RABGEF1: variants seen among roughly 807,000 people sequenced by gnomAD.
RABGEF1 encodes RAB guanine nucleotide exchange factor 1.
Under a neutral mutation model 57.3 loss-of-function variants are expected in RABGEF1, and 26 were observed. The ratio of observed to expected loss-of-function variants is 0.45; its 90% CI spans 0.33 to 0.63. RABGEF1 has a LOEUF of 0.63. Ranked by LOEUF, RABGEF1 falls within the 20% of genes least tolerant of loss-of-function variation. The pLI, the probability that RABGEF1 is intolerant of heterozygous loss-of-function variation, is 0.02. For missense variants in RABGEF1, 464 were observed against 607.6 expected (o/e 0.76, Z 2.48); for synonymous variants, 185 against 210.7 (o/e 0.88, Z 1.06).
intron 1 of RABGEF1, among the ~76,000 whole-genome samples, chr7:66,762,801 C>G (rs62466852): frequency 6.6e-6 from 1 of 151,874 alleles, no homozygotes; most frequent in Non-Finnish European, 1.5e-5. Flanking sequence ...GTTGGGTAGG[C>G]TGGGGTAGGT....
At chr7:66,676,871 A>AT in the RABGEF1 span, among the ~76,000 whole-genome samples, 7 of 152,226 alleles carry the variant, frequency 4.6e-5, no homozygotes, top group African/African-American at 1.7e-4. Context: ...GGCATAAGCC[A>AT]TCACACCTGG....
At chr7:66,793,133 G>A (rs1046873165) in intron 4 of RABGEF1, among the ~76,000 whole-genome samples, 4 of 152,196 alleles carry the variant, frequency 2.6e-5, no homozygotes, top group African/African-American at 9.7e-5. Context: ...AGCTCAGAGA[G>A]TTTCTAGTTG....
At chr7:66,796,844 G>C (rs1378860292) in intron 5 of RABGEF1, 3 of 411,992 alleles carry the variant, frequency 7.3e-6, no homozygotes, top group Non-Finnish European at 1.4e-5. Context: ...ACCTGCCTCA[G>C]CCTCCCAAAG....
At chr7:66,738,817 A>C (rs569323755), upstream of RABGEF1, among the ~76,000 whole-genome samples, 4 of 152,266 alleles carry the variant, frequency 2.6e-5, no homozygotes, top group Admixed American at 2.6e-4. Flanking sequence ...TAATCACAAA[A>C]GTCAGTTAAG....
chr7:66,775,972 A>T (rs946176349), intron 3 of RABGEF1, among the ~76,000 whole-genome samples: 7 of 152,312 alleles, frequency 4.6e-5, no homozygotes, highest in African/African-American at 1.4e-4. Context: ...CTGCTTTTTA[A>T]AATGCCATAT....
chr7:66,748,162 G>A (rs1333952899), intron 1 of RABGEF1, among the ~76,000 whole-genome samples: 2 of 152,178 alleles, frequency 1.3e-5, no homozygotes, highest in Non-Finnish European at 2.9e-5. Context: ...GCTGGGTGTC[G>A]AGTTTTACTT....
In RABGEF1 at chr7:66,771,833, AT is replaced by A. The variant is rs537814903; in HGVS notation, c.-17-47del. 2.1e-4 allele frequency: 271 copies of A among 1,295,216 alleles called. 3 individuals carry two copies. The South Asian group carries it at 5.2e-3, about 25-fold the overall frequency. 80.2% of individuals were successfully genotyped at this position (1,295,216 alleles called of 1,614,324 possible). A position where few individuals can be genotyped will look rare whatever the true frequency, so the allele number is the denominator to read the frequency against. ...TTTTGTTCATAATTGGTAAGATTTT[AT>A]TTAGTAGAATGATAATTCATTTTCA... On this transcript the variant is annotated intron_variant, in intron 1 of 8. Transcript: ENST00000284957.
chr7:66,730,329 C>T (rs1475292427), intron 2 of RABGEF1, among the ~76,000 whole-genome samples: 5 of 152,030 alleles, frequency 3.3e-5, no homozygotes, highest in Non-Finnish European at 5.9e-5. Context: ...CCTCATCTAT[C>T]GACAGGGGAT....
At chr7:66,726,159 G>T (rs1796567070) in intron 2 of RABGEF1, among the ~76,000 whole-genome samples, 1 of 152,198 alleles carries the variant, frequency 6.6e-6, no homozygotes, top group Non-Finnish European at 1.5e-5. Flanking sequence ...CCCAGCCTGG[G>T]CTTTGCCCAC....
At chr7:66,654,952 C>A in the RABGEF1 span, among the ~76,000 whole-genome samples, 1 of 152,254 alleles carries the variant, frequency 6.6e-6, no homozygotes, top group Non-Finnish European at 1.5e-5. Context: ...CCTCCCTCTT[C>A]GGCGGCTCCC....
chr7:66,747,288 C>T (rs1287552426), intron 1 of RABGEF1, among the ~76,000 whole-genome samples: 1 of 152,178 alleles, frequency 6.6e-6, no homozygotes, highest in Non-Finnish European at 1.5e-5. Context: ...CCCCCAGTAA[C>T]AGTGAGCAGA....
At chr7:66,772,603 AATG>A (rs1288379845) in intron 2 of RABGEF1, among the ~76,000 whole-genome samples, 1 of 152,138 alleles carries the variant, frequency 6.6e-6, no homozygotes, top group Non-Finnish European at 1.5e-5. Flanking sequence ...CCGGAAATAT[AATG>A]ATGTTAAAAA....
At chr7:66,695,103 G>A (rs1164131754) in intron 1 of RABGEF1, among the ~76,000 whole-genome samples, 1 of 152,162 alleles carries the variant, frequency 6.6e-6, no homozygotes, top group African/African-American at 2.4e-5. Flanking sequence ...CTTGAGATCA[G>A]AAGGTCAAGA....
intron 1 of RABGEF1, among the ~76,000 whole-genome samples, chr7:66,759,791 T>A (rs1262687166): frequency 6.6e-6 from 1 of 152,178 alleles, no homozygotes; most frequent in Non-Finnish European, 1.5e-5. Flanking sequence ...CATGATCAGA[T>A]CACCTTTCAC....
At chr7:66,737,480 T>C (rs1337111055), upstream of RABGEF1, among the ~76,000 whole-genome samples, 1 of 152,054 alleles carries the variant, frequency 6.6e-6, no homozygotes, top group Non-Finnish European at 1.5e-5. Flanking sequence ...AGAGTACCTT[T>C]AGATCCGGAT....
At chr7:66,746,618 C>CTTTTTTT (rs1206614304) in intron 1 of RABGEF1, among the ~76,000 whole-genome samples, 1 of 92,174 alleles carries the variant, frequency 1.1e-5, no homozygotes, top group African/African-American at 4.0e-5. Flanking sequence ...ATAATATAAC[C>CTTTTTTT]TTTTTTTTTT....
chr7:66,743,047 C>T (rs1376103495), intron 1 of RABGEF1, among the ~76,000 whole-genome samples: 10 of 152,230 alleles, frequency 6.6e-5, no homozygotes, highest in East Asian at 1.9e-4. Flanking sequence ...CGGTGGCTCA[C>T]GCCTGTAATC....
chr7:66,793,690 T>TA (rs1234495128), intron 4 of RABGEF1, among the ~76,000 whole-genome samples: 1 of 117,380 alleles, frequency 8.5e-6, no homozygotes, highest in Non-Finnish European at 1.9e-5. Flanking sequence ...TGCATGTATA[T>TA]GGGTAACTAG....
In RABGEF1 at chr7:66,805,324, C is replaced by T; in HGVS notation, c.1005C>T (p.Ile335=). 6.2e-7 allele frequency: 1 copy of T among 1,614,170 alleles called. No individual in the cohort carries two copies. The highest frequency in any genetic ancestry group is 8.5e-7 in the Non-Finnish European group (1 of 1,180,030). Residue 335 remains isoleucine, a synonymous_variant, in exon 8 of 9, where the codon ATC becomes ATT. Transcript: ENST00000284957. ...KGNPPRLQSN[I]QYITRFCNPS... The stretch of plus-strand genomic sequence containing the variant: ...ACCCCCCACGCCTTCAGTCTAATAT[C>T]CAGTATATCACGCGCTTCTGCAATC...
Sources: gnomAD v4.1 joint callset for allele counts (sites outside exome capture counted in the v4.1 genomes callset) on GRCh38, gnomAD v4.1.1 for gene constraint, MANE v1.5 for transcripts, NCBI Gene and HGNC (gene_info 2026-07-23, HGNC 2026-07-21) for gene names.